KCNH7: variants seen among roughly 807,000 people sequenced by gnomAD.
The protein encoded by KCNH7 is voltage-gated inwardly rectifying potassium channel KCNH7.
KCNH7 carries 49 observed loss-of-function variants against 120.8 expected under a neutral mutation model. The ratio of observed to expected loss-of-function variants is 0.41; its 90% CI spans 0.32 to 0.51. The LOEUF (loss-of-function observed/expected upper bound fraction) is 0.51. Ranked by LOEUF, KCNH7 falls within the 20% of genes least tolerant of loss-of-function variation. The probability of loss-of-function intolerance (pLI) is 0.38; values close to 1 mark genes in which losing one functional copy is unlikely to be tolerated. For synonymous variants in KCNH7, 547 were observed against 516.1 expected, an observed-to-expected ratio of 1.06 and a Z score of -0.81; for missense variants, 1,097 against 1,446.6, an observed-to-expected ratio of 0.76 and a Z score of 3.92.
chr2:162,390,953 T>C (rs2105425762), intron 12 of KCNH7, among the ~76,000 whole-genome samples: 1 of 152,126 alleles, frequency 6.6e-6, no homozygotes, highest in Admixed American at 6.6e-5. Flanking sequence ...CTTTAGAACC[T>C]TGTGGGAGGC....
intron 2 of KCNH7, among the ~76,000 whole-genome samples, chr2:162,793,316 G>C (rs1404953306): frequency 6.6e-6 from 1 of 151,932 alleles, no homozygotes; most frequent in Non-Finnish European, 1.5e-5. Flanking sequence ...TGTAGGAGGA[G>C]GGAGGGGATC....
intron 2 of KCNH7, among the ~76,000 whole-genome samples, chr2:162,761,558 A>G (rs1357950110): frequency 6.6e-6 from 1 of 152,118 alleles, no homozygotes; most frequent in Non-Finnish European, 1.5e-5. Context: ...CAGACATTCT[A>G]CTAAGCACTT....
intron 2 of KCNH7, among the ~76,000 whole-genome samples, chr2:162,665,304 C>T (rs952394552): frequency 2.0e-5 from 3 of 152,032 alleles, no homozygotes; most frequent in Non-Finnish European, 2.9e-5. Flanking sequence ...ACAAAATCCT[C>T]ATTTTTATTA....
chr2:162,807,273 A>ACG (rs1300461137), intron 2 of KCNH7, among the ~76,000 whole-genome samples: 1 of 51,302 alleles, frequency 1.9e-5, no homozygotes, highest in South Asian at 1.1e-3. Context: ...AAAAAAAAAA[A>ACG]AAAAAAAAAA....
At chr2:162,744,185 A>T (rs1029868497) in intron 2 of KCNH7, among the ~76,000 whole-genome samples, 9 of 152,158 alleles carry the variant, frequency 5.9e-5, no homozygotes, top group African/African-American at 2.2e-4. Context: ...ATGCCTGACT[A>T]CTTATGTCTC....
At chr2:162,569,379 T>C (rs1438212717) in intron 2 of KCNH7, among the ~76,000 whole-genome samples, 1 of 151,126 alleles carries the variant, frequency 6.6e-6, no homozygotes, top group Non-Finnish European at 1.5e-5. Flanking sequence ...GGTGATATCC[T>C]CTTTATCATT....
At chr2:162,474,625 TA>T (rs1464192039) in intron 6 of KCNH7, among the ~76,000 whole-genome samples, 6 of 152,234 alleles carry the variant, frequency 3.9e-5, no homozygotes, top group African/African-American at 1.2e-4. Flanking sequence ...TGTTAAGTTG[TA>T]AAAAGGCTGT....
At chr2:162,752,983 G>GAAAAGAAAAGAAAAGAAAAGAAAAGAA (rs1688643620) in intron 2 of KCNH7, among the ~76,000 whole-genome samples, 2 of 121,298 alleles carry the variant, frequency 1.6e-5, no homozygotes, top group Non-Finnish European at 3.1e-5. Flanking sequence ...GAAAAGAAAA[G>GAAAAGAAAAGAAAAGAAAAGAAAAGAA]AAAAGAAAAG....
At position 162,562,851 on chromosome 2, in the gene KCNH7, T is replaced by C. The variant is rs573653434; in HGVS notation, c.308-25771A>G. On this transcript the variant is annotated intron_variant, in intron 2 of 15. Transcript: ENST00000332142. ...TAGCATAAACTCTTTCCTTCTAGAA[T>C]CCATCTTTTGTATTGGGTGCCACAC... 2.6e-4 allele frequency among the ~76,000 whole-genome samples: 40 copies of C among 152,316 alleles called. 2 individuals carry two copies. In the South Asian group the frequency reaches 7.9e-3, roughly 30 times the overall value.
chr2:162,449,799 C>T (rs1054889608), intron 6 of KCNH7, among the ~76,000 whole-genome samples: 1 of 152,074 alleles, frequency 6.6e-6, no homozygotes, highest in African/African-American at 2.4e-5. Flanking sequence ...AAATAAACTT[C>T]TGTTGTCTTA....
chr2:162,823,190 G>A (rs904246399), intron 2 of KCNH7, among the ~76,000 whole-genome samples: 3 of 151,376 alleles, frequency 2.0e-5, no homozygotes, highest in Non-Finnish European at 4.4e-5. Flanking sequence ...TTTTCAATTT[G>A]TAAATGAGAA....
At chr2:162,728,156 T>G (rs957687903) in intron 2 of KCNH7, among the ~76,000 whole-genome samples, 1 of 151,962 alleles carries the variant, frequency 6.6e-6, no homozygotes, top group East Asian at 1.9e-4. Flanking sequence ...TTTCCAACAT[T>G]TGGACTTAAT....
intron 7 of KCNH7, 55 bp downstream of exon 7, chr2:162,445,963 A>T (rs1314779740): frequency 2.2e-6 from 3 of 1,366,794 alleles, no homozygotes; most frequent in African/African-American, 1.5e-5. Flanking sequence ...GTTAAAATAG[A>T]TTCACTTTTA....
intron 2 of KCNH7, among the ~76,000 whole-genome samples, chr2:162,644,583 C>T (rs921930261): frequency 6.6e-6 from 1 of 152,136 alleles, no homozygotes; most frequent in Admixed American, 6.5e-5. Flanking sequence ...AAGATTTTAT[C>T]TATCAATACT....
chr2:162,461,765 A>G (rs1573986726), intron 6 of KCNH7, among the ~76,000 whole-genome samples: 1 of 152,156 alleles, frequency 6.6e-6, no homozygotes, highest in Non-Finnish European at 1.5e-5. Context: ...AACACTTTGA[A>G]AGGACCCCAT....
chr2:162,680,439 C>A (rs897798177), intron 2 of KCNH7, among the ~76,000 whole-genome samples: 1 of 151,662 alleles, frequency 6.6e-6, no homozygotes, highest in Non-Finnish European at 1.5e-5. Flanking sequence ...AAACTCAAGT[C>A]TTTTTATGTT....
At chr2:162,582,446 T>A (rs970563934) in intron 2 of KCNH7, among the ~76,000 whole-genome samples, 1 of 152,064 alleles carries the variant, frequency 6.6e-6, no homozygotes, top group Non-Finnish European at 1.5e-5. Context: ...AAAGTTTCCT[T>A]ACAGAAACTC....
rs994058494 is a variant in KCNH7, at chr2:162,498,698, G to A, written c.1128+5745C>T. 4.4e-4 allele frequency among the ~76,000 whole-genome samples: 67 copies of A among 152,024 alleles called. 1 individual carries two copies. Among genetic ancestry groups the A allele is most frequent in the Non-Finnish European group, 9.3e-4 (63 of 68,010 alleles). ...TCACATGGCCCAAGATGGTCAATAAGAGTCTTCTTTTTCTGGGAATAATAT... is the reference window on the plus strand; with the variant it reads ...TCACATGGCCCAAGATGGTCAATAAAAGTCTTCTTTTTCTGGGAATAATAT... On this transcript the variant is annotated intron_variant, in intron 6 of 15. Transcript: ENST00000332142.
chr2:162,666,650 C>T (rs1475158691), intron 2 of KCNH7, among the ~76,000 whole-genome samples: 1 of 152,120 alleles, frequency 6.6e-6, no homozygotes, highest in African/African-American at 2.4e-5. Context: ...CCTGTCTCTA[C>T]CCTTTCCTCC....
Sources: gnomAD v4.1 joint callset for allele counts (sites outside exome capture counted in the v4.1 genomes callset) on GRCh38, gnomAD v4.1.1 for gene constraint, MANE v1.5 for transcripts, NCBI Gene and HGNC (gene_info 2026-07-23, HGNC 2026-07-21) for gene names.